Variants in ERBB4 observed in about 807,000 individuals in gnomAD.
ERBB4 encodes receptor tyrosine-protein kinase erbB-4.
Under a neutral mutation model 158.0 loss-of-function variants are expected in ERBB4, and 42 were observed. The observed-to-expected ratio is 0.27, with a 90% CI of 0.21 to 0.34. The LOEUF is 0.34. ERBB4 is among the 10% of genes least tolerant of loss of function. The pLI is 1.00. For synonymous variants in ERBB4, 583 were observed against 558.7 expected, an observed-to-expected ratio of 1.04 and a Z score of -0.61; for missense variants, 1,333 against 1,624.1, an observed-to-expected ratio of 0.82 and a Z score of 3.08.
chr2:212,372,743 C>T (rs925638651), intron 1 of ERBB4, among the ~76,000 whole-genome samples: 2 of 152,078 alleles, frequency 1.3e-5, no homozygotes, highest in African/African-American at 2.4e-5. Flanking sequence ...AGCGAGACTC[C>T]GTCTCAAAAC....
At chr2:211,742,417 A>G (rs938428922) in intron 5 of ERBB4, among the ~76,000 whole-genome samples, 1 of 152,244 alleles carries the variant, frequency 6.6e-6, no homozygotes, top group African/African-American at 2.4e-5. Flanking sequence ...TTTAATTTTC[A>G]ACTGCAACAT....
At position 212,206,589 on chromosome 2, in the gene ERBB4, C is replaced by CTTTTTTTTTTTT. The variant is rs5838309; in HGVS notation, c.83-81698_83-81687dup. ...ATGAACTGTCTCCGTCTGTTCTGTT[C>CTTTTTTTTTTTT]TTTTTTTTTTTTTTTTGAGACGGAG... On this transcript the variant is annotated intron_variant, in intron 1 of 27. Transcript: ENST00000342788. Among the ~76,000 whole-genome samples, 119 of 116,408 alleles carry CTTTTTTTTTTTT rather than the reference C, an allele frequency of 1.0e-3. 2 individuals are homozygous for CTTTTTTTTTTTT. Among genetic ancestry groups the CTTTTTTTTTTTT allele is most frequent in the African/African-American group, 1.2e-3 (32 of 27,672 alleles). 76.4% of individuals were successfully genotyped at this position (116,408 alleles called of 152,430 possible). A position where few individuals can be genotyped will look rare whatever the true frequency, so the allele number is the denominator to read the frequency against.
intron 16 of ERBB4, among the ~76,000 whole-genome samples, chr2:211,645,220 A>T (rs1328306325): frequency 6.6e-5 from 10 of 151,850 alleles, no homozygotes; most frequent in Admixed American, 5.3e-4. Context: ...ATCCTTTATT[A>T]TCAAGTAAGG....
At chr2:211,519,699 A>C (rs1375515515) in intron 20 of ERBB4, among the ~76,000 whole-genome samples, 2 of 152,192 alleles carry the variant, frequency 1.3e-5, no homozygotes, top group Non-Finnish European at 2.9e-5. Flanking sequence ...ACAGGAAAGA[A>C]AGGCAACACA....
At chr2:212,016,391 T>C (rs1448116615) in intron 2 of ERBB4, among the ~76,000 whole-genome samples, 2 of 152,180 alleles carry the variant, frequency 1.3e-5, no homozygotes, top group African/African-American at 4.8e-5. Flanking sequence ...ATAATCACTG[T>C]TAATTACAGA....
intron 2 of ERBB4, among the ~76,000 whole-genome samples, chr2:211,976,740 T>C (rs1044127378): frequency 6.6e-6 from 1 of 152,044 alleles, no homozygotes; most frequent in African/African-American, 2.4e-5. Flanking sequence ...AAAAATCATA[T>C]CCAAAATAAA....
At chr2:212,392,956 T>C (rs1041771799) in intron 1 of ERBB4, among the ~76,000 whole-genome samples, 4 of 152,000 alleles carry the variant, frequency 2.6e-5, no homozygotes, top group Non-Finnish European at 5.9e-5. Flanking sequence ...CCCTACCTTT[T>C]ATTTTCATGC....
intron 1 of ERBB4, among the ~76,000 whole-genome samples, chr2:212,465,850 C>T (rs887744616): frequency 1.3e-5 from 2 of 152,144 alleles, no homozygotes; most frequent in African/African-American, 4.8e-5. Context: ...TTGCTACAAA[C>T]AAACTTCGAA....
At chr2:211,581,688 A>G (rs1559318995) in intron 19 of ERBB4, among the ~76,000 whole-genome samples, 1 of 151,738 alleles carries the variant, frequency 6.6e-6, no homozygotes, top group Non-Finnish European at 1.5e-5. Flanking sequence ...AGTTCACTTC[A>G]CCCCTATGGC....
intron 17 of ERBB4, among the ~76,000 whole-genome samples, chr2:211,629,452 G>A (rs1390193940): frequency 5.9e-5 from 9 of 152,178 alleles, no homozygotes; most frequent in African/African-American, 9.6e-5. Flanking sequence ...AATCAATATC[G>A]TGAAAATGGC....
At chr2:211,646,127 G>C (rs977468644) in intron 16 of ERBB4, among the ~76,000 whole-genome samples, 4 of 151,364 alleles carry the variant, frequency 2.6e-5, no homozygotes, top group African/African-American at 9.7e-5. Flanking sequence ...ATAATGTGTA[G>C]AGTATGCTCC....
chr2:211,948,074 T>C (rs2080753001), intron 2 of ERBB4, among the ~76,000 whole-genome samples: 1 of 152,176 alleles, frequency 6.6e-6, no homozygotes, highest in Admixed American at 6.6e-5. Context: ...TGTTTGGTGC[T>C]ATATTTATCA....
At chr2:211,789,821 A>G (rs1312283417) in intron 3 of ERBB4, among the ~76,000 whole-genome samples, 1 of 152,038 alleles carries the variant, frequency 6.6e-6, no homozygotes, top group Admixed American at 6.6e-5. Context: ...GTGTCACACC[A>G]CAAGAGGGTT....
chr2:212,159,898 AACTG>A (rs776394637), intron 1 of ERBB4, among the ~76,000 whole-genome samples: 1 of 152,018 alleles, frequency 6.6e-6, no homozygotes, highest in Non-Finnish European at 1.5e-5. Context: ...TACTCTATAA[AACTG>A]ACAAACTGAA....
chr2:211,483,403 T>C (rs866282159), intron 20 of ERBB4, among the ~76,000 whole-genome samples: 1 of 152,118 alleles, frequency 6.6e-6, no homozygotes, highest in Non-Finnish European at 1.5e-5. Flanking sequence ...TCCAACATCA[T>C]AATCATAATT....
intron 2 of ERBB4, among the ~76,000 whole-genome samples, chr2:212,111,687 C>T (rs1383261808): frequency 6.6e-6 from 1 of 151,418 alleles, no homozygotes; most frequent in Non-Finnish European, 1.5e-5. Flanking sequence ...CTTCTTATAA[C>T]TGCCCCCCTG....
chr2:212,201,798 A>G (rs1193099772), intron 1 of ERBB4, among the ~76,000 whole-genome samples: 1 of 152,204 alleles, frequency 6.6e-6, no homozygotes, highest in Non-Finnish European at 1.5e-5. Flanking sequence ...CTTATTAAGT[A>G]GACTATCAAT....
chr2:212,059,984 A>C lies in ERBB4; in HGVS notation c.234+64768T>G, dbSNP rs527956220. ...AAGAGCTTCTGCACAGCAAAAGAAA[A>C]TACCATCAGAGTGAACAGGCAAACT... On this transcript the variant is annotated intron_variant, in intron 2 of 27. Coordinates refer to ENST00000342788, the MANE Select transcript of ERBB4 (RefSeq NM_005235.3). Among the ~76,000 whole-genome samples the C allele has an allele frequency of 2.6e-3, 392 of 152,272 alleles. 1 individual carries two copies. Among genetic ancestry groups the C allele is most frequent in the African/African-American group, 9.0e-3 (375 of 41,546 alleles).
At chr2:211,853,915 T>C (rs752246056) in intron 3 of ERBB4, among the ~76,000 whole-genome samples, 1 of 152,136 alleles carries the variant, frequency 6.6e-6, no homozygotes, top group South Asian at 2.1e-4. Context: ...AGATTGGTTA[T>C]GTGTGTTCAG....
Sources: gnomAD v4.1 joint callset for allele counts (sites outside exome capture counted in the v4.1 genomes callset) on GRCh38, gnomAD v4.1.1 for gene constraint, MANE v1.5 for transcripts, NCBI Gene and HGNC (gene_info 2026-07-23, HGNC 2026-07-21) for gene names.